The following MYH9 variants were observed in gnomAD, a reference collection of about 807,000 sequenced individuals.
The protein encoded by MYH9 is myosin-9.
A neutral mutation model predicts 241.9 loss-of-function variants in MYH9; 29 were observed. That is an observed-to-expected ratio of 0.12 (90% CI 0.09 to 0.16). The LOEUF (loss-of-function observed/expected upper bound fraction) is 0.16, where lower values mean the gene tolerates loss of function less well. MYH9 is among the 10% of genes least tolerant of loss of function. The pLI, the probability that MYH9 is intolerant of heterozygous loss-of-function variation, is 1.00. For missense variants in MYH9, 1,803 were observed against 2,595.5 expected (o/e 0.69, Z 6.63); for synonymous variants, 1,047 against 1,062.6 (o/e 0.99, Z 0.29).
At chr22:36,373,882 T>G (rs1372560376) in intron 1 of MYH9, among the ~76,000 whole-genome samples, 2 of 145,392 alleles carry the variant, frequency 1.4e-5, no homozygotes, top group African/African-American at 5.4e-5. Context: ...GAACTTTGCA[T>G]TATAGTAGTA....
chr22:36,306,706 A>G lies in MYH9; in HGVS notation c.1844-99T>C. ...GAGACAGGCACACGTCGGACAGGAA[A>G]AGAGGAGACAGAATGAAACAACAGG... On this transcript the variant is annotated intron_variant, in intron 15 of 40. Transcript: ENST00000216181. The surrounding 1 kb of genome is among the most constrained non-coding windows in gnomAD (Gnocchi z 4.1). The G allele has an allele frequency of 3.4e-6, 4 of 1,190,862 alleles. No homozygotes were observed. Among genetic ancestry groups the G allele is most frequent in the Non-Finnish European group, 4.8e-6 (4 of 830,900 alleles). The allele number at this position is 1,190,862 out of a possible 1,614,324, so 73.8% of individuals were successfully genotyped here. A position where few individuals can be genotyped will look rare whatever the true frequency, so the allele number is the denominator to read the frequency against.
Position 36,295,625 on chromosome 22 carries a change from G to A in MYH9, c.3365C>T (p.Ser1122Phe). 1 of 1,613,916 alleles carries A rather than the reference G, an allele frequency of 6.2e-7. No individual in the cohort carries two copies. Among genetic ancestry groups the A allele is most frequent in the South Asian group, 1.1e-5 (1 of 91,058 alleles). Residue 1122 changes from serine (S) to phenylalanine (F), a missense_variant, in exon 26 of 41, where the codon TCT (serine) becomes TTT (phenylalanine). By Grantham distance (155) the Ser-to-Phe change is radical. Around this residue, in one of 11 missense-constraint regions of MYH9, gnomAD observed 290 missense variants for 360.5 expected, o/e 0.80. Transcript: ENST00000216181. The surrounding 1 kb of genome is among the most constrained non-coding windows in gnomAD (Gnocchi z 4.1). The part of the protein sequence containing the change: ...QISELQEDLE[S>F]ERASRNKAEK... ...AGCTTTATTCCTGGAAGCACGCTCA[G>A]ACTCCAGGTCTTCCTGGAGTTCAGA... is the stretch of plus-strand genomic sequence containing the variant.
At chr22:36,366,294 C>G (rs969947376) in intron 1 of MYH9, among the ~76,000 whole-genome samples, 3 of 152,016 alleles carry the variant, frequency 2.0e-5, no homozygotes, top group African/African-American at 7.3e-5. Flanking sequence ...GACTTATCTA[C>G]GCTAGGAAGG....
In MYH9 at chr22:36,295,017, G is replaced by A. The variant is rs1355075179; in HGVS notation, c.3545C>T (p.Thr1182Ile). Residue 1182 changes from threonine to isoleucine, a missense_variant, in exon 27 of 41, where the codon ACC becomes ATC. Transcript: ENST00000216181. This position sits in a 1 kb window ranked among gnomAD's most constrained non-coding sequence, Gnocchi z 4.1. ...LKKTLEEEAK[T>I]HEAQIQEMRQ... is the part of the protein sequence containing the mutation. ...CATCTCCTGGATCTGGGCCTCGTGG[G>A]TCTTGGCCTCCTCCTCCAGGGTCTT... 2 of 1,614,214 alleles carry A rather than the reference G, an allele frequency of 1.2e-6. No homozygotes were observed. The highest frequency in any genetic ancestry group is 3.3e-5 in the Admixed American group (2 of 60,020).
intron 12 of MYH9, among the ~76,000 whole-genome samples, chr22:36,315,079 C>A (rs532593805): frequency 3.3e-5 from 5 of 152,196 alleles, no homozygotes; most frequent in African/African-American, 1.2e-4. Flanking sequence ...CCACCGCACC[C>A]GGCCTCTGTG....
At chr22:36,364,360 T>C (rs906125442) in intron 1 of MYH9, among the ~76,000 whole-genome samples, 4 of 152,144 alleles carry the variant, frequency 2.6e-5, no homozygotes, top group African/African-American at 9.7e-5. Context: ...ACTAAAGTCA[T>C]GGGAGAGGCT....
At position 36,349,078 on chromosome 22, in the gene MYH9, C is replaced by T; in HGVS notation, c.159G>A (p.Glu53=). 1 of 1,614,266 alleles carries T rather than the reference C, an allele frequency of 6.2e-7. No homozygotes were observed. The highest frequency in any genetic ancestry group is 1.3e-5 in the African/African-American group (1 of 75,064). ...PASLKEEVGE[E]AIVELVENGK... is the part of the protein sequence containing the mutation. Reference sequence around the variant, plus strand: ...CATTCTCCACCAGCTCCACGATGGCCTCTTCGCCCACCTCCTCCTTGAGGC... The same window carrying T: ...CATTCTCCACCAGCTCCACGATGGCTTCTTCGCCCACCTCCTCCTTGAGGC... The change falls in exon 2 of 41, where the codon GAG becomes GAA. Residue 53 remains glutamate (E), a synonymous_variant. Coordinates refer to ENST00000216181, the MANE Select transcript of MYH9 (RefSeq NM_002473.6).
At position 36,285,032 on chromosome 22, in the gene MYH9, C is replaced by CT. The variant is rs2016555251; in HGVS notation, c.5483+88dup. Reference sequence around the variant, plus strand: ...AGCCCCAGGCTCAGGAGACAGAGAGCTGGTTGTGGCCCAGATTTGGGCAGG... The same window carrying CT: ...AGCCCCAGGCTCAGGAGACAGAGAGCTTGGTTGTGGCCCAGATTTGGGCAGG... On this transcript the variant is annotated intron_variant, in intron 38 of 40. Coordinates refer to ENST00000216181, the MANE Select transcript of MYH9 (RefSeq NM_002473.6). The surrounding 1 kb of genome is among the most constrained non-coding windows in gnomAD (Gnocchi z 7.0). 1.6e-6 allele frequency: 2 copies of CT among 1,220,704 alleles called. No individual in the cohort carries two copies. The allele number at this position is 1,220,704 out of a possible 1,614,324, so 75.6% of individuals were successfully genotyped here.
At position 36,348,943 on chromosome 22, in the gene MYH9, C is replaced by T; in HGVS notation, c.294G>A (p.Leu98=). ...ELTCLNEASV[L]HNLKERYYSG... Reference sequence around the variant, plus strand: ...AGTAGTAACGCTCCTTGAGGTTGTGCAGCACCGAGGCTTCGTTGAGGCACG... The same window carrying T: ...AGTAGTAACGCTCCTTGAGGTTGTGTAGCACCGAGGCTTCGTTGAGGCACG... Residue 98 remains leucine, a synonymous_variant, in exon 2 of 41, where the codon CTG becomes CTA. Coordinates refer to ENST00000216181, the MANE Select transcript of MYH9 (RefSeq NM_002473.6). 3 of 1,610,202 alleles carry T rather than the reference C, an allele frequency of 1.9e-6. No homozygotes were observed. The highest frequency in any genetic ancestry group is 2.5e-6 in the Non-Finnish European group (3 of 1,178,232).
intron 3 of MYH9, among the ~76,000 whole-genome samples, chr22:36,335,629 C>T (rs564941492): frequency 3.9e-5 from 6 of 152,232 alleles, no homozygotes; most frequent in African/African-American, 7.2e-5. Context: ...ACACAACTAG[C>T]GGGGCAGGGA....
At position 36,295,715 on chromosome 22, in the gene MYH9, A is replaced by C. The variant is rs1314994311; in HGVS notation, c.3275T>G (p.Val1092Gly). 1 of 1,611,804 alleles carries C rather than the reference A, an allele frequency of 6.2e-7. No individual in the cohort carries two copies. The highest frequency in any genetic ancestry group is 1.7e-5 in the Admixed American group (1 of 59,834). ...GTTCTTCTGGGCAGCTTCCTCTTCC[A>C]CTCTGCCAAAGCGACCAGCAACATC... ...EEELQAALAR[V>G]EEEAAQKNMA... The change falls in exon 26 of 41, where the codon GTG becomes GGG. Residue 1092 changes from valine to glycine, a missense_variant and splice_region_variant. Physicochemically the swap from Val to Gly is moderately radical, Grantham distance 109. This residue lies in a region of MYH9 where 290 missense variants were observed against 360.5 expected (regional missense o/e 0.80). Transcript: ENST00000216181. The surrounding 1 kb of genome is among the most constrained non-coding windows in gnomAD (Gnocchi z 4.1).
intron 35 of MYH9, among the ~76,000 whole-genome samples, chr22:36,286,215 G>C (rs1452357023): frequency 1.3e-5 from 2 of 152,220 alleles, no homozygotes; most frequent in Non-Finnish European, 2.9e-5. Flanking sequence ...AAGTGTCCTG[G>C]CCTAACCAGG....
At chr22:36,307,763 C>T (rs928964401) in intron 15 of MYH9, among the ~76,000 whole-genome samples, 2 of 152,084 alleles carry the variant, frequency 1.3e-5, no homozygotes, top group Non-Finnish European at 2.9e-5. Context: ...TGGCGGGTGC[C>T]TGTAATCCTA....
intron 5 of MYH9, among the ~76,000 whole-genome samples, chr22:36,324,222 A>C (rs1233564724): frequency 6.6e-6 from 1 of 152,252 alleles, no homozygotes; most frequent in African/African-American, 2.4e-5. Context: ...TTCAGATTCC[A>C]GAGCTGTGTT....
At chr22:36,340,986 C>T (rs1219611469) in intron 3 of MYH9, among the ~76,000 whole-genome samples, 3 of 151,860 alleles carry the variant, frequency 2.0e-5, no homozygotes, top group East Asian at 1.9e-4. Flanking sequence ...GGGAAGAACT[C>T]GAACGTGTTT....
intron 11 of MYH9, among the ~76,000 whole-genome samples, chr22:36,317,220 G>C (rs1293944788): frequency 6.6e-6 from 1 of 152,174 alleles, no homozygotes; most frequent in Non-Finnish European, 1.5e-5. Context: ...TGGGCACGTG[G>C]GGCTCTTTAC....
rs771889310 is a variant in MYH9 at position 36,297,011 on chromosome 22, C to T, written c.3104G>A (p.Arg1035His). The T allele has an allele frequency of 9.9e-6, 16 of 1,613,750 alleles. No individual in the cohort carries two copies. Among genetic ancestry groups the T allele is most frequent in the Middle Eastern group, 1.6e-4 (1 of 6,084 alleles). The change falls in exon 25 of 41, where the codon CGC (arginine) becomes CAC (histidine). Residue 1035 changes from arginine (R) to histidine (H), a missense_variant. By Grantham distance (29) the Arg-to-His change is conservative. This residue lies in a region of MYH9 where 290 missense variants were observed against 360.5 expected (regional missense o/e 0.80). Transcript: ENST00000216181. ...TCGCTGCTTCTCCTCCCTGCGGAGG[C>T]GCTCTGCAATGCAGGGGGAGCCCAC... ...HEAMITDLEE[R>H]LRREEKQRQE...
intron 1 of MYH9, among the ~76,000 whole-genome samples, chr22:36,385,792 G>A (rs776653024): frequency 2.6e-5 from 4 of 152,150 alleles, no homozygotes; most frequent in Non-Finnish European, 5.9e-5. Context: ...CATCCAGAGC[G>A]CAGTGGCTCT....
Position 36,300,659 on chromosome 22 carries a change from G to T in MYH9, c.2838+192C>A, listed in dbSNP as rs2016861964. On this transcript the variant is annotated intron_variant, in intron 22 of 40. Transcript: ENST00000216181. This position sits in a 1 kb window ranked among gnomAD's most constrained non-coding sequence, Gnocchi z 5.0. ...TGATGCTGGCCCAGGCAGTGCTCAT[G>T]GAGATCTCAGATGCACATGTCACAA... Among the ~76,000 whole-genome samples the T allele has an allele frequency of 6.6e-6, 1 of 152,192 alleles. No homozygotes were observed. Among genetic ancestry groups the T allele is most frequent in the African/African-American group, 2.4e-5 (1 of 41,446 alleles).
Sources: allele counts gnomAD v4.1 joint callset (sites outside exome capture counted in the v4.1 genomes callset), GRCh38; gene constraint gnomAD v4.1.1; regional missense constraint gnomAD v4.1.1; non-coding constraint Gnocchi (gnomAD v3.1); transcripts MANE v1.5; gene names NCBI Gene and HGNC (gene_info 2026-07-23, HGNC 2026-07-21).